Variants in ST7 observed in about 807,000 individuals in gnomAD.
The protein encoded by ST7 is suppression of tumorigenicity 7.
In ST7, 28 loss-of-function variants were observed where a neutral mutation model predicts 78.7. That is an observed-to-expected ratio of 0.36 (90% CI 0.26 to 0.49). The LOEUF (loss-of-function observed/expected upper bound fraction) is 0.49. Ranked by LOEUF, ST7 falls within the 20% of genes least tolerant of loss-of-function variation. ST7 has a pLI of 0.99. For synonymous variants in ST7, 247 were observed against 249.6 expected, an observed-to-expected ratio of 0.99 and a Z score of 0.10; for missense variants, 418 against 696.0, an observed-to-expected ratio of 0.60 and a Z score of 4.49.
At position 117,138,531 on chromosome 7, in the gene ST7, A is replaced by G. The variant is rs756069164; in HGVS notation, c.962A>G (p.Asp321Gly). The G allele has an allele frequency of 1.3e-6, 2 of 1,596,124 alleles. No individual in the cohort carries two copies. The highest frequency in any genetic ancestry group is 2.7e-5 in the African/African-American group (2 of 74,328). The part of the protein sequence containing the change: ...RTREAVKMMR[D>G]LMKEFPLLSM... ...AGGGAAGCAGTGAAAATGATGAGAG[A>G]TGTGAGTTTGAGTTTGTGTTTGGGA... The change falls in exon 9 of 16, where the codon GAT (aspartate) becomes GGT (glycine). Residue 321 changes from aspartate to glycine, a missense_variant and splice_region_variant. Physicochemically the swap from Asp to Gly is moderately conservative, Grantham distance 94 (BLOSUM62 -1). Around this residue, in one of 4 missense-constraint regions of ST7, gnomAD observed 288 missense variants for 537.1 expected, o/e 0.54. Transcript: ENST00000323984.
intron 1 of ST7, among the ~76,000 whole-genome samples, chr7:117,085,036 T>C (rs1049225782): frequency 2.0e-5 from 3 of 152,124 alleles, no homozygotes; most frequent in Non-Finnish European, 4.4e-5. Context: ...CTGGCGCTTG[T>C]TCCTAAGAAA....
chr7:117,199,816 CTCACAGTCAGA>C (rs1810649764), intron 12 of ST7, among the ~76,000 whole-genome samples: 1 of 152,222 alleles, frequency 6.6e-6, no homozygotes, highest in African/African-American at 2.4e-5. Flanking sequence ...AGGCAACCAG[CTCACAGTCAGA>C]GTTGGGGCAG....
intron 1 of ST7, chr7:117,015,032 A>G: frequency 8.3e-7 from 1 of 1,206,708 alleles, no homozygotes; most frequent in East Asian, 2.9e-5. Flanking sequence ...TAAATGTTAA[A>G]TATTTTCCAG....
chr7:117,180,202 C>T (rs915801666), intron 10 of ST7, among the ~76,000 whole-genome samples: 2 of 152,078 alleles, frequency 1.3e-5, no homozygotes, highest in African/African-American at 4.8e-5. Flanking sequence ...TTCAAGGGAG[C>T]ATAACTAAGG....
chr7:117,143,535 C>T (rs770997254), intron 9 of ST7, among the ~76,000 whole-genome samples: 1 of 152,132 alleles, frequency 6.6e-6, no homozygotes, highest in African/African-American at 2.4e-5. Flanking sequence ...CAATGACAAA[C>T]GTTTCTGTAG....
chr7:116,961,317 A>G (rs574915407), intron 1 of ST7, among the ~76,000 whole-genome samples: 3 of 152,318 alleles, frequency 2.0e-5, no homozygotes, highest in Non-Finnish European at 4.4e-5. Flanking sequence ...TTGGTTCCAT[A>G]TGAATTTTGA....
chr7:117,012,078 T>G (rs181809929), intron 1 of ST7, among the ~76,000 whole-genome samples: 1 of 152,218 alleles, frequency 6.6e-6, no homozygotes, highest in South Asian at 2.1e-4. Flanking sequence ...ACTTGAGTAC[T>G]TATTTCTGCT....
At chr7:117,136,404 T>C in intron 8 of ST7, 169 bp downstream of exon 8, 1 of 730,500 alleles carries the variant, frequency 1.4e-6, no homozygotes, top group Non-Finnish European at 2.2e-6. Flanking sequence ...AGTTAGTAAA[T>C]AATTAACTTA....
chr7:117,019,762 G>T (rs578020674), intron 1 of ST7, among the ~76,000 whole-genome samples: 3 of 152,124 alleles, frequency 2.0e-5, no homozygotes, highest in Non-Finnish European at 4.4e-5. Context: ...ATGTGTAATA[G>T]TATACATATT....
intron 6 of ST7, among the ~76,000 whole-genome samples, chr7:117,133,661 T>C (rs1804546693): frequency 6.6e-6 from 1 of 151,718 alleles, no homozygotes; most frequent in Non-Finnish European, 1.5e-5. Context: ...TTGTCTTTAG[T>C]ATTTTATTTT....
At chr7:116,964,653 T>A (rs1585051440) in intron 1 of ST7, among the ~76,000 whole-genome samples, 1 of 152,246 alleles carries the variant, frequency 6.6e-6, no homozygotes, top group East Asian at 1.9e-4. Context: ...ATTTTTGTCT[T>A]AGCTTATTTA....
At chr7:117,006,666 T>TGTG (rs1795169017) in intron 1 of ST7, among the ~76,000 whole-genome samples, 4 of 152,226 alleles carry the variant, frequency 2.6e-5, no homozygotes, top group Non-Finnish European at 5.9e-5. Flanking sequence ...TTGATGCACT[T>TGTG]TGCTTTATTC....
chr7:117,052,031 A>C (rs1411949984), intron 1 of ST7, among the ~76,000 whole-genome samples: 1 of 152,216 alleles, frequency 6.6e-6, no homozygotes, highest in Non-Finnish European at 1.5e-5. Flanking sequence ...CTTTGAACAC[A>C]GTGCAGCCTC....
chr7:116,987,367 G>A (rs920978053), intron 1 of ST7, among the ~76,000 whole-genome samples: 9 of 152,300 alleles, frequency 5.9e-5, no homozygotes, highest in South Asian at 2.1e-4. Flanking sequence ...ATTATGCAAC[G>A]TCCTGGGCCT....
chr7:117,178,815 T>G (rs1248524191), intron 10 of ST7, among the ~76,000 whole-genome samples: 1 of 152,226 alleles, frequency 6.6e-6, no homozygotes, highest in Non-Finnish European at 1.5e-5. Flanking sequence ...GTTTTACTCA[T>G]AATTACAGAC....
rs1795749808 is a variant in ST7, at chr7:117,019,025, A to G, written c.151+65334A>G. On this transcript the variant is annotated intron_variant, in intron 1 of 15. Transcript: ENST00000323984. ...ACTGACCAGAAAAAGTACTAATGAT[A>G]TTTTTAGATGTTAAAGTAATATGTG... Among the ~76,000 whole-genome samples the G allele has an allele frequency of 1.3e-5, 2 of 152,188 alleles. 1 individual carries two copies.
At chr7:116,970,254 T>G (rs1793349542) in intron 1 of ST7, among the ~76,000 whole-genome samples, 1 of 152,182 alleles carries the variant, frequency 6.6e-6, no homozygotes, top group Non-Finnish European at 1.5e-5. Flanking sequence ...CAAGTCTTAA[T>G]TTAAAAGTGG....
intron 1 of ST7, among the ~76,000 whole-genome samples, chr7:117,018,966 C>T (rs541285102): frequency 2.6e-5 from 4 of 152,294 alleles, no homozygotes; most frequent in African/African-American, 9.6e-5. Flanking sequence ...GAATCTTATG[C>T]AGTCTTTAAA....
At chr7:116,964,675 T>G (rs971177454) in intron 1 of ST7, among the ~76,000 whole-genome samples, 8 of 152,240 alleles carry the variant, frequency 5.3e-5, no homozygotes, top group African/African-American at 1.4e-4. Flanking sequence ...GTTGCAGAAA[T>G]ATAATGTTTG....
Sources: gnomAD v4.1 joint callset for allele counts (sites outside exome capture counted in the v4.1 genomes callset) on GRCh38, gnomAD v4.1.1 for gene constraint, gnomAD v4.1.1 regional missense constraint, MANE v1.5 for transcripts, NCBI Gene and HGNC (gene_info 2026-07-23, HGNC 2026-07-21) for gene names.